ARMCX4: variants seen among roughly 807,000 people sequenced by gnomAD.
The protein encoded by ARMCX4 is armadillo repeat containing X-linked 4.
ARMCX4 carries 3 observed loss-of-function variants against 34.7 expected under a neutral mutation model. The ratio of observed to expected loss-of-function variants is 0.09; its 90% CI spans 0.04 to 0.22. The LOEUF (loss-of-function observed/expected upper bound fraction) is 0.22, where lower values mean the gene tolerates loss of function less well. Among genes scored for constraint, ARMCX4 ranks in the 10% least tolerant of loss-of-function variants. The pLI is 1.00. For synonymous variants in ARMCX4, 513 were observed against 632.8 expected, an observed-to-expected ratio of 0.81 and a Z score of 2.84; for missense variants, 1,448 against 1,720.8, an observed-to-expected ratio of 0.84 and a Z score of 2.81.
chrX:101,465,803 T>A (rs1342131731), intron 4 of ARMCX4, among the ~76,000 whole-genome samples: 1 of 112,224 alleles, frequency 8.9e-6, no homozygotes, highest in Non-Finnish European at 1.9e-5. Flanking sequence ...AAGGCATAAA[T>A]TTAGTCTCAA....
chrX:101,464,101 G>A (rs1194594040), intron 4 of ARMCX4, among the ~76,000 whole-genome samples: 4 of 110,179 alleles, frequency 3.6e-5, no homozygotes, highest in African/African-American at 9.8e-5. Context: ...GGCTGGGTGC[G>A]GTGGCTCATG....
chrX:101,489,161 A>C lies in ARMCX4; in HGVS notation c.572A>C (p.Glu191Ala). The change falls in exon 6 of 6, where the codon GAA becomes GCA. Residue 191 changes from glutamate (E) to alanine (A), a missense_variant. Physicochemically the swap from Glu to Ala is moderately radical, Grantham distance 107 (BLOSUM62 -1). Coordinates refer to ENST00000423738, the MANE Select transcript of ARMCX4 (RefSeq NM_001256155.3). ...KREAMTQTKA[E>A]THILAEKETE... ...GAAGCAATGACCCAGACCAAAGCTG[A>C]AACTCATATATTGGCTGAAAAAGAG... The C allele has an allele frequency of 1.7e-6, 2 of 1,156,276 alleles. No homozygotes were observed. Among genetic ancestry groups the C allele is most frequent in the Non-Finnish European group, 2.3e-6 (2 of 873,061 alleles).
chrX:101,431,441 A>G (rs1487570960), intron 2 of ARMCX4, among the ~76,000 whole-genome samples: 1 of 112,553 alleles, frequency 8.9e-6, no homozygotes, highest in Non-Finnish European at 1.9e-5. Context: ...TTTTGGCTCT[A>G]TTGTATTCTA....
chrX:101,449,329 G>A (rs967166193), downstream of ARMCX4, among the ~76,000 whole-genome samples: 32 of 111,985 alleles, frequency 2.9e-4, no homozygotes, highest in African/African-American at 1.0e-3. Context: ...TCCTCGTTAA[G>A]GTCAATAACA....
intron 8 of ARMCX4, among the ~76,000 whole-genome samples, chrX:101,506,140 G>A (rs1247024478): frequency 2.7e-5 from 3 of 111,933 alleles, no homozygotes; most frequent in Non-Finnish European, 3.8e-5. Flanking sequence ...ACCACGCCCC[G>A]CCCAGAACTG....
intron 2 of ARMCX4, chrX:101,419,113 C>T (rs1929082416): frequency 9.1e-6 from 1 of 109,564 alleles, no homozygotes; most frequent in African/African-American, 3.3e-5. Flanking sequence ...CTTGAAACCT[C>T]CTCCCACTCC....
At chrX:101,479,486 T>C in intron 4 of ARMCX4, among the ~76,000 whole-genome samples, 1 of 97,969 alleles carries the variant, frequency 1.0e-5, no homozygotes, top group Non-Finnish European at 2.0e-5. Flanking sequence ...ATAAATTCCT[T>C]TTTTTTTTTT....
chrX:101,468,592 AG>A (rs1486884014), intron 4 of ARMCX4, among the ~76,000 whole-genome samples: 1 of 110,172 alleles, frequency 9.1e-6, no homozygotes, highest in African/African-American at 3.3e-5. Flanking sequence ...GCCTGTCCTT[AG>A]GAGAGTATTT....
In ARMCX4 at chrX:101,489,123, A is replaced by C; in HGVS notation, c.534A>C (p.Thr178=). 3.5e-6 allele frequency: 4 copies of C among 1,156,261 alleles called. No homozygotes were observed. Among genetic ancestry groups the C allele is most frequent in the Non-Finnish European group, 4.6e-6 (4 of 873,008 alleles). Residue 178 remains threonine (T), a synonymous_variant, in exon 6 of 6, where the codon ACA becomes ACC. Transcript: ENST00000423738. ...KAKAWALVAK[T]EAKREAMTQT... ...AAGCTTGGGCGCTGGTTGCCAAGACAGAGGCCAAGAGAGAAGCAATGACCC... is the reference window on the plus strand; with the variant it reads ...AAGCTTGGGCGCTGGTTGCCAAGACCGAGGCCAAGAGAGAAGCAATGACCC...
chrX:101,516,378 A>G (rs782665701), intron 11 of ARMCX4: 1 of 111,915 alleles, frequency 8.9e-6, no homozygotes, highest in Non-Finnish European at 1.9e-5. Flanking sequence ...TCTTAATTGG[A>G]AGAAACATTC....
At chrX:101,502,401 G>A (rs781815557) in intron 7 of ARMCX4, among the ~76,000 whole-genome samples, 118 of 111,891 alleles carry the variant, frequency 1.1e-3, no homozygotes, top group African/African-American at 3.3e-3. Flanking sequence ...ATCATACCTC[G>A]CTAATCTTTT....
chrX:101,491,797 G>A lies in ARMCX4; in HGVS notation c.3208G>A (p.Ala1070Thr). 2.6e-6 allele frequency: 3 copies of A among 1,156,670 alleles called. No individual in the cohort carries two copies. In the South Asian group the frequency reaches 5.7e-5, roughly 22 times the overall value. Residue 1070 changes from alanine (A) to threonine (T), a missense_variant, in exon 6 of 6, where the codon GCC (alanine) becomes ACC (threonine). This residue lies in a region of ARMCX4 where 1,343 missense variants were observed against 1,540.7 expected (regional missense o/e 0.87). Transcript: ENST00000423738. ...DEAYAKPEAE[A>T]MPTSESEGGS... ...GGCCTATGCAAAGCCTGAGGCTGAGGCCATGCCCACTTCTGAGAGTGAGGG... is the reference window on the plus strand; with the variant it reads ...GGCCTATGCAAAGCCTGAGGCTGAGACCATGCCCACTTCTGAGAGTGAGGG...
At chrX:101,475,329 G>T (rs781964392) in intron 4 of ARMCX4, among the ~76,000 whole-genome samples, 1 of 110,000 alleles carries the variant, frequency 9.1e-6, no homozygotes, top group East Asian at 2.8e-4. Context: ...ATAAATAAAA[G>T]GACTTCTTTG....
chrX:101,535,178 G>A (rs1324689887), downstream of ARMCX4, among the ~76,000 whole-genome samples: 1 of 111,168 alleles, frequency 9.0e-6, no homozygotes, highest in Non-Finnish European at 1.9e-5. Context: ...GCTTTAAATT[G>A]TGGGTAATAA....
chrX:101,515,331 T>TC (rs1474293586), intron 11 of ARMCX4, among the ~76,000 whole-genome samples: 22 of 105,960 alleles, frequency 2.1e-4, no homozygotes, highest in Admixed American at 1.0e-3. Context: ...TCCCTTTCTT[T>TC]CTTTCCTTTC....
intron 4 of ARMCX4, among the ~76,000 whole-genome samples, chrX:101,459,261 G>C (rs782060279): frequency 9.0e-6 from 1 of 111,726 alleles, no homozygotes; most frequent in Non-Finnish European, 1.9e-5. Context: ...TGCAGGAGCG[G>C]GTTTGAACGA....
chrX:101,488,029 A>G lies in ARMCX4; in HGVS notation c.-202-15A>G, dbSNP rs782389257. On this transcript the variant is annotated splice_polypyrimidine_tract_variant and intron_variant, in intron 4 of 5. Transcript: ENST00000423738. ...CTAGGTCCAGAGATCTCATGAATTT[A>G]TGTATCTACTTTAGGGTGTACTGCC... 11 of 909,989 alleles carry G rather than the reference A, an allele frequency of 1.2e-5. No individual in the cohort carries two copies. The highest frequency in any genetic ancestry group is 1.0e-4 in the South Asian group (5 of 48,898). The allele number at this position is 909,989 out of a possible 1,213,427, so 75.0% of individuals were successfully genotyped here. A position where few individuals can be genotyped will look rare whatever the true frequency, so the allele number is the denominator to read the frequency against.
chrX:101,462,570 T>G (rs781851665), intron 4 of ARMCX4, among the ~76,000 whole-genome samples: 1 of 104,941 alleles, frequency 9.5e-6, no homozygotes, highest in Admixed American at 1.0e-4. Flanking sequence ...AACCAGGGAG[T>G]TGGAGGTTGC....
chrX:101,477,956 T>TGCAG (rs1933274027), intron 4 of ARMCX4, among the ~76,000 whole-genome samples: 1 of 112,013 alleles, frequency 8.9e-6, no homozygotes, highest in Non-Finnish European at 1.9e-5. Context: ...TAACAACTCC[T>TGCAG]GGCATTCTAG....
Sources: allele counts gnomAD v4.1 joint callset (sites outside exome capture counted in the v4.1 genomes callset), GRCh38; gene constraint gnomAD v4.1.1; regional missense constraint gnomAD v4.1.1; transcripts MANE v1.5; gene names NCBI Gene and HGNC (gene_info 2026-07-23, HGNC 2026-07-21).